Variants in BRD10 observed in about 807,000 individuals in gnomAD.
BRD10 encodes the protein uncharacterized bromodomain-containing protein 10.
chr9:5,986,159 T>C, the BRD10 span, among the ~76,000 whole-genome samples: 7 of 152,166 alleles, frequency 4.6e-5, no homozygotes, highest in Admixed American at 1.3e-4. Context: ...GTGTGTGTTG[T>C]TCCCCTCCCT....
At chr9:5,921,509 A>G in the BRD10 span, 1 of 1,613,864 alleles carries the variant, frequency 6.2e-7, no homozygotes, top group Non-Finnish European at 8.5e-7. Context: ...TGTAGATGTC[A>G]GCGCAGGTGT....
chr9:5,921,753 C>T, the BRD10 span: 2 of 1,613,940 alleles, frequency 1.2e-6, no homozygotes, highest in South Asian at 1.1e-5. Flanking sequence ...ATTACACTTA[C>T]CGAACTACTT....
the BRD10 span, among the ~76,000 whole-genome samples, chr9:5,932,522 T>C: frequency 6.6e-6 from 1 of 152,278 alleles, no homozygotes; most frequent in East Asian, 1.9e-4. Flanking sequence ...TTAAATCACA[T>C]TTACATTGTA....
the BRD10 span, among the ~76,000 whole-genome samples, chr9:5,996,594 G>T: frequency 6.6e-6 from 1 of 152,088 alleles, no homozygotes; most frequent in Non-Finnish European, 1.5e-5. Flanking sequence ...GCCTCCCAAA[G>T]TGCTGGGATT....
chr9:5,922,797 T>G, the BRD10 span: 1 of 1,614,042 alleles, frequency 6.2e-7, no homozygotes, highest in Non-Finnish European at 8.5e-7. Flanking sequence ...CAGGGCATTT[T>G]GTATACCATT....
At chr9:5,940,598 T>C in the BRD10 span, among the ~76,000 whole-genome samples, 1 of 152,238 alleles carries the variant, frequency 6.6e-6, no homozygotes, top group Non-Finnish European at 1.5e-5. Flanking sequence ...ATTGTTTAGT[T>C]AGTCACCTCG....
At chr9:5,915,316 G>C in the BRD10 span, among the ~76,000 whole-genome samples, 3 of 152,082 alleles carry the variant, frequency 2.0e-5, no homozygotes, top group African/African-American at 7.2e-5. Context: ...AATGATGGCA[G>C]CTACTATTTA....
At chr9:5,934,390 G>C in the BRD10 span, among the ~76,000 whole-genome samples, 1 of 128,456 alleles carries the variant, frequency 7.8e-6, no homozygotes, top group Non-Finnish European at 1.6e-5. Context: ...ACAGGGTCTT[G>C]CTCTGTTGCC....
the BRD10 span, among the ~76,000 whole-genome samples, chr9:5,955,200 A>T: frequency 6.6e-6 from 1 of 152,190 alleles, no homozygotes; most frequent in African/African-American, 2.4e-5. Context: ...TTACTCAACA[A>T]ATACTAGATA....
At chr9:5,921,021 T>A in the BRD10 span, 1 of 1,613,920 alleles carries the variant, frequency 6.2e-7, no homozygotes, top group East Asian at 2.2e-5. Flanking sequence ...AAAGATAAAT[T>A]TGCTCCGGTA....
At chr9:5,969,391 C>T in the BRD10 span, 1 of 1,600,116 alleles carries the variant, frequency 6.2e-7, no homozygotes, top group African/African-American at 1.3e-5. Flanking sequence ...CTTCTATTTC[C>T]TTTTGACTAG....
chr9:5,996,615 G>A, the BRD10 span, among the ~76,000 whole-genome samples: 254 of 152,216 alleles, frequency 1.7e-3, no homozygotes, highest in African/African-American at 5.9e-3. Context: ...ATAGGCATGA[G>A]CTACCATGCC....
At chr9:5,993,952 T>A in the BRD10 span, among the ~76,000 whole-genome samples, 1 of 152,106 alleles carries the variant, frequency 6.6e-6, no homozygotes, top group Non-Finnish European at 1.5e-5. Flanking sequence ...GACAAAAAAA[T>A]TTGCATATTT....
At chr9:5,961,461 T>C in the BRD10 span, among the ~76,000 whole-genome samples, 3 of 152,182 alleles carry the variant, frequency 2.0e-5, no homozygotes, top group Non-Finnish European at 4.4e-5. Context: ...TGAATTTTTT[T>C]TGCTCTGAGT....
At chr9:5,982,915 T>C in the BRD10 span, among the ~76,000 whole-genome samples, 1 of 152,146 alleles carries the variant, frequency 6.6e-6, no homozygotes, top group Non-Finnish European at 1.5e-5. Context: ...AGAACAGAAA[T>C]CTATATTGTA....
the BRD10 span, chr9:6,007,985 C>T: frequency 3.9e-6 from 5 of 1,278,566 alleles, no homozygotes; most frequent in African/African-American, 1.6e-5. Context: ...GGTTACATGG[C>T]GCGCGAGGAG....
At chr9:5,889,547 G>C in the BRD10 span, among the ~76,000 whole-genome samples, 4 of 152,322 alleles carry the variant, frequency 2.6e-5, no homozygotes, top group East Asian at 7.7e-4. Flanking sequence ...AGCACTTTGG[G>C]AGGCTGAGGC....
chr9:5,984,548 A>G, the BRD10 span, among the ~76,000 whole-genome samples: 4 of 152,228 alleles, frequency 2.6e-5, no homozygotes, highest in Non-Finnish European at 5.9e-5. Flanking sequence ...AATAAGAAAG[A>G]AGTCAATACA....
the BRD10 span, among the ~76,000 whole-genome samples, chr9:5,930,686 C>T: frequency 4.6e-5 from 7 of 151,926 alleles, no homozygotes; most frequent in African/African-American, 7.3e-5. Context: ...AAAAAAAATT[C>T]AAGAAAAGTA....
Sources: allele counts gnomAD v4.1 joint callset (sites outside exome capture counted in the v4.1 genomes callset), GRCh38; gene constraint gnomAD v4.1.1; transcripts MANE v1.5; gene names NCBI Gene and HGNC (gene_info 2026-07-23, HGNC 2026-07-21).